The following MAGEB6B variants were observed in gnomAD, a reference collection of about 807,000 sequenced individuals.
MAGEB6B encodes MAGE family member B6B.
For missense variants in MAGEB6B, 277 were observed against 251.5 expected, an observed-to-expected ratio of 1.10 and a Z score of -0.69; for synonymous variants, 107 against 102.3, an observed-to-expected ratio of 1.05 and a Z score of -0.27.
chrX:26,161,654 C>G (rs760783789), exon 1 of MAGEB6B: 1 of 1,209,785 alleles, frequency 8.3e-7, no homozygotes, highest in Non-Finnish European at 1.1e-6. Context: ...CAACAGTGAT[C>G]CTCCATGCTA....
exon 1 of MAGEB6B, chrX:26,160,941 C>T (rs775987245): frequency 1.4e-5 from 9 of 627,138 alleles, no homozygotes; most frequent in Non-Finnish European, 2.5e-5. Context: ...CCCATTGGCC[C>T]TCCTGATGCA....
chrX:26,162,059 A>G (rs960641008), downstream of MAGEB6B, among the ~76,000 whole-genome samples: 1 of 112,466 alleles, frequency 8.9e-6, no homozygotes, highest in Non-Finnish European at 1.9e-5. Context: ...TCAATTTTCA[A>G]CATTGTTCCT....
downstream of MAGEB6B, among the ~76,000 whole-genome samples, chrX:26,162,055 T>G (rs1349944566): frequency 4.4e-5 from 5 of 112,636 alleles, no homozygotes; most frequent in African/African-American, 1.6e-4. Flanking sequence ...CTTGTCAATT[T>G]TCAACATTGT....
exon 1 of MAGEB6B, chrX:26,161,242 G>T: frequency 1.4e-6 from 1 of 731,819 alleles, no homozygotes; most frequent in Non-Finnish European, 2.2e-6. Context: ...AGAAGAAAGA[G>T]CCCATTTTGA....
At chrX:26,161,036 C>G in exon 1 of MAGEB6B, 1 of 1,042,527 alleles carries the variant, frequency 9.6e-7, no homozygotes, top group Non-Finnish European at 1.3e-6. Context: ...CTCTGTTCCT[C>G]AGGAGTCTCA....
chrX:26,161,301 C>T (rs1928686797), exon 1 of MAGEB6B: 1 of 640,314 alleles, frequency 1.6e-6, no homozygotes, highest in South Asian at 2.2e-5. Context: ...CCATGCTTCC[C>T]TGAGATCCTC....
downstream of MAGEB6B, among the ~76,000 whole-genome samples, chrX:26,162,147 A>G (rs962544992): frequency 2.7e-5 from 3 of 112,184 alleles, no homozygotes; most frequent in African/African-American, 9.7e-5. Flanking sequence ...CGTTTAATCA[A>G]TTTGAAAGTT....
chrX:26,161,215 C>A (rs1419924504), exon 1 of MAGEB6B: 1 of 751,909 alleles, frequency 1.3e-6, no homozygotes, highest in South Asian at 2.1e-5. Context: ...TGGTGCAATT[C>A]CTGCAGAAGA....
exon 1 of MAGEB6B, chrX:26,161,152 T>C: frequency 1.2e-6 from 1 of 819,404 alleles, no homozygotes; most frequent in Non-Finnish European, 1.9e-6. Flanking sequence ...CCAAGAGAGC[T>C]GCGTTCTTTA....
downstream of MAGEB6B, among the ~76,000 whole-genome samples, chrX:26,162,347 G>A (rs1446473720): frequency 8.9e-6 from 1 of 111,844 alleles, no homozygotes; most frequent in Non-Finnish European, 1.9e-5. Context: ...TTTAATTCTT[G>A]GTTTGCCTAA....
chrX:26,161,719 G>C, exon 1 of MAGEB6B: 1 of 1,211,522 alleles, frequency 8.3e-7, no homozygotes, highest in Admixed American at 2.2e-5. Flanking sequence ...TGAGAGTCCT[G>C]CGTGTTTTGG....
At chrX:26,162,269 T>G, downstream of MAGEB6B, among the ~76,000 whole-genome samples, 1 of 111,983 alleles carries the variant, frequency 8.9e-6, no homozygotes, top group Middle Eastern at 4.6e-3. Flanking sequence ...CTTAAAGAAC[T>G]CCACAGTAAA....
chrX:26,161,964 T>C, downstream of MAGEB6B: 1 of 534,128 alleles, frequency 1.9e-6, no homozygotes, highest in Non-Finnish European at 3.1e-6. Flanking sequence ...TAGTGCAGTA[T>C]AGTAGAGGCT....
downstream of MAGEB6B, among the ~76,000 whole-genome samples, chrX:26,161,980 G>C (rs748236699): frequency 8.9e-6 from 1 of 112,132 alleles, no homozygotes; most frequent in Non-Finnish European, 1.9e-5. Context: ...AGGCTGGAGG[G>C]AACAAGATAT....
At chrX:26,161,919 G>A (rs892656104), downstream of MAGEB6B, 36 of 885,740 alleles carry the variant, frequency 4.1e-5, no homozygotes, top group African/African-American at 2.6e-4. Flanking sequence ...TAGAATTTTC[G>A]CTTTATGTTA....
chrX:26,160,736 G>T, exon 1 of MAGEB6B: 1 of 575,940 alleles, frequency 1.7e-6, no homozygotes. Context: ...ATCCTCTTCT[G>T]CTGTTTGTCA....
downstream of MAGEB6B, among the ~76,000 whole-genome samples, chrX:26,162,167 G>T (rs139486629): frequency 0.045 from 5,046 of 111,471 alleles, 154 homozygotes; most frequent in African/African-American, 0.11. Flanking sequence ...TACGGTTTGG[G>T]TATTAGTAAA....
At chrX:26,161,210 C>A (rs759478149) in exon 1 of MAGEB6B, 1 of 749,126 alleles carries the variant, frequency 1.3e-6, no homozygotes, top group Non-Finnish European at 2.1e-6. Context: ...CAAGATGGTG[C>A]AATTCCTGCA....
At chrX:26,161,270 C>G in exon 1 of MAGEB6B, 2 of 669,635 alleles carry the variant, frequency 3.0e-6, no homozygotes, top group African/African-American at 2.1e-5. Context: ...CATGCTGAAG[C>G]GTCTCCGCAG....
Sources: allele counts gnomAD v4.1 joint callset (sites outside exome capture counted in the v4.1 genomes callset), GRCh38; gene constraint gnomAD v4.1.1; transcripts MANE v1.5; gene names NCBI Gene and HGNC (gene_info 2026-07-23, HGNC 2026-07-21).